Variants in DYTN observed in about 807,000 individuals in gnomAD.
The protein encoded by DYTN is dystrotelin.
DYTN carries 75 observed loss-of-function variants against 69.6 expected under a neutral mutation model. The observed-to-expected ratio is 1.08, with a 90% CI of 0.89 to 1.31. The LOEUF is 1.31. Ranked by LOEUF, DYTN falls within the 50% of genes most tolerant of loss-of-function variation. The probability of loss-of-function intolerance (pLI) is 0.00; values close to 1 mark genes in which losing one functional copy is unlikely to be tolerated. For synonymous variants in DYTN, 252 were observed against 249.1 expected (o/e 1.01, Z -0.11); for missense variants, 726 against 688.4 (o/e 1.05, Z -0.61).
At chr2:206,679,651 A>G (rs892561753) in intron 9 of DYTN, among the ~76,000 whole-genome samples, 14 of 152,364 alleles carry the variant, frequency 9.2e-5, no homozygotes, top group African/African-American at 3.4e-4. Flanking sequence ...TATAAAACAA[A>G]AAAGCAGAGA....
intron 9 of DYTN, among the ~76,000 whole-genome samples, chr2:206,680,346 A>G (rs1031646602): frequency 6.6e-6 from 1 of 152,092 alleles, no homozygotes; most frequent in African/African-American, 2.4e-5. Context: ...CCCTCCCACA[A>G]CACATGGGGA....
At chr2:206,675,145 G>GTGTGTGTGTGTGTATA (rs1415225495) in intron 9 of DYTN, among the ~76,000 whole-genome samples, 1,643 of 120,132 alleles carry the variant, frequency 0.014, 15 homozygotes, top group Admixed American at 0.028. Flanking sequence ...GTGTGTGTGT[G>GTGTGTGTGTGTGTATA]TATATATGTG....
In DYTN at chr2:206,677,283, A is replaced by G. The variant is rs563266142; in HGVS notation, c.981-11254T>C. ...TTTGCATGTCAATTGTATCTCAATAAATTGGTTAACAAAATGAAATAAAAA... is the reference window on the plus strand; with the variant it reads ...TTTGCATGTCAATTGTATCTCAATAGATTGGTTAACAAAATGAAATAAAAA... On this transcript the variant is annotated intron_variant, in intron 9 of 11. Coordinates refer to ENST00000452335, the MANE Select transcript of DYTN (RefSeq NM_001093730.1). 2.6e-5 allele frequency among the ~76,000 whole-genome samples: 4 copies of G among 152,306 alleles called. No individual in the cohort carries two copies. In the South Asian group the frequency reaches 8.3e-4, roughly 32 times the overall value.
chr2:206,663,807 A>G (rs957253923), intron 10 of DYTN, among the ~76,000 whole-genome samples: 1 of 152,222 alleles, frequency 6.6e-6, no homozygotes, highest in Non-Finnish European at 1.5e-5. Context: ...CCACAGGGAG[A>G]AAATCCAGGG....
intron 9 of DYTN, among the ~76,000 whole-genome samples, chr2:206,691,973 C>A (rs1699867766): frequency 6.6e-6 from 1 of 152,080 alleles, no homozygotes; most frequent in African/African-American, 2.4e-5. Flanking sequence ...ATAAATATTT[C>A]TTTTTCTCAA....
At chr2:206,692,623 CT>C (rs1699876962) in intron 9 of DYTN, among the ~76,000 whole-genome samples, 1 of 152,028 alleles carries the variant, frequency 6.6e-6, no homozygotes, top group Admixed American at 6.5e-5. Context: ...TAATGTATTG[CT>C]TGTGAATTGT....
chr2:206,694,770 A>C lies in DYTN; in HGVS notation c.827T>G (p.Ile276Ser), dbSNP rs761419852. Residue 276 changes from isoleucine (I) to serine (S), a missense_variant, in exon 8 of 12, where the codon ATT (isoleucine) becomes AGT (serine). Ile to Ser is a moderately radical substitution (Grantham distance 142). Coordinates refer to ENST00000452335, the MANE Select transcript of DYTN (RefSeq NM_001093730.1). ...GTATGTGACATTAAATGTTACCTGA[A>C]TGCAGTGCTCAATGACAGGATGAGA... ...QKSHPVIEHC[I>S]QMSAMQNTKL... The C allele has an allele frequency of 3.7e-6, 6 of 1,605,096 alleles. No individual in the cohort carries two copies. Among genetic ancestry groups the C allele is most frequent in the Non-Finnish European group, 5.1e-6 (6 of 1,177,162 alleles).
chr2:206,713,171 A>G (rs149494026), intron 1 of DYTN, among the ~76,000 whole-genome samples: 1 of 152,362 alleles, frequency 6.6e-6, no homozygotes, highest in Non-Finnish European at 1.5e-5. Flanking sequence ...GTTTCAAAAT[A>G]TGTGTATCTC....
intron 9 of DYTN, among the ~76,000 whole-genome samples, chr2:206,687,690 C>A (rs80186749): frequency 0.027 from 4,119 of 151,836 alleles, 82 homozygotes; most frequent in Middle Eastern, 0.054. Flanking sequence ...GTATATGGGG[C>A]AAAATAAGGG....
At position 206,665,028 on chromosome 2, in the gene DYTN, G is replaced by A. The variant is rs143725298; in HGVS notation, c.1140+842C>T. Among the ~76,000 whole-genome samples, 350 of 152,336 alleles carry A rather than the reference G, an allele frequency of 2.3e-3. 1 individual carries two copies. The highest frequency in any genetic ancestry group is 3.7e-3 in the Non-Finnish European group (254 of 68,034). On this transcript the variant is annotated intron_variant, in intron 10 of 11. Transcript: ENST00000452335. Reference sequence around the variant, plus strand: ...CCTTTAAGAAGCTGTCATGTATCATGTTTTGGTGTAGTATTAAAGAGAAGT... The same window carrying A: ...CCTTTAAGAAGCTGTCATGTATCATATTTTGGTGTAGTATTAAAGAGAAGT...
At chr2:206,658,569 G>T (rs766981521) in intron 11 of DYTN, among the ~76,000 whole-genome samples, 3 of 152,120 alleles carry the variant, frequency 2.0e-5, no homozygotes, top group Admixed American at 2.0e-4. Context: ...CAGGCATCTA[G>T]AATATGATGG....
chr2:206,655,410 T>C (rs1452847082), intron 11 of DYTN, among the ~76,000 whole-genome samples: 1 of 151,884 alleles, frequency 6.6e-6, no homozygotes, highest in African/African-American at 2.4e-5. Flanking sequence ...CATGCCCAGC[T>C]AAATTTTCTT....
intron 9 of DYTN, among the ~76,000 whole-genome samples, chr2:206,675,115 A>ATATG (rs1553573104): frequency 3.8e-5 from 5 of 131,542 alleles, no homozygotes; most frequent in African/African-American, 1.4e-4. Context: ...ATATATATAT[A>ATATG]TGTGTGTGTG....
chr2:206,670,516 T>A (rs1035739450), intron 9 of DYTN: 2 of 152,200 alleles, frequency 1.3e-5, no homozygotes, highest in Non-Finnish European at 2.9e-5. Context: ...AGAGCATTAA[T>A]GGATTCATGA....
intron 1 of DYTN, among the ~76,000 whole-genome samples, chr2:206,711,352 C>T (rs556789747): frequency 6.6e-6 from 1 of 152,268 alleles, no homozygotes; most frequent in Admixed American, 6.5e-5. Flanking sequence ...GCCCATTTCA[C>T]AGTGTAGAGG....
At chr2:206,703,508 T>C (rs1461984883) in intron 5 of DYTN, among the ~76,000 whole-genome samples, 3 of 151,906 alleles carry the variant, frequency 2.0e-5, no homozygotes, top group East Asian at 3.9e-4. Flanking sequence ...TATTCTAACC[T>C]TATAAATAAA....
At position 206,693,243 on chromosome 2, in the gene DYTN, T is replaced by C. The variant is rs755930932; in HGVS notation, c.912A>G (p.Glu304=). The C allele has an allele frequency of 2.5e-6, 4 of 1,613,722 alleles. No homozygotes were observed. The highest frequency in any genetic ancestry group is 3.3e-5 in the Admixed American group (2 of 60,032). Residue 304 remains glutamate (E), a synonymous_variant, in exon 9 of 12, where the codon GAA becomes GAG. Coordinates refer to ENST00000452335, the MANE Select transcript of DYTN (RefSeq NM_001093730.1). ...NLLQGRCRKK[E]AARRQQLLDQ... ...CCAGCAGCTGCTGCCTTCTCGCTGC[T>C]TCTTTCTTCCTACAGCGCCCCTGAA... is the stretch of plus-strand genomic sequence containing the variant.
chr2:206,675,130 T>TGG (rs1699670196), intron 9 of DYTN, among the ~76,000 whole-genome samples: 1 of 138,756 alleles, frequency 7.2e-6, no homozygotes, highest in African/African-American at 2.7e-5. Context: ...TGTGTGTGTG[T>TGG]GTGTGTGTGT....
rs201386426 is a variant in DYTN at position 206,705,745 on chromosome 2, G to A, written c.382+43C>T. 54 of 1,586,080 alleles carry A rather than the reference G, an allele frequency of 3.4e-5. No individual in the cohort carries two copies. The African/African-American group carries it at 6.0e-4, about 18-fold the overall frequency. ...ATAGGATAACAGGTTGGGGATTTGG[G>A]GCTCACTGCACTTTAGGACACCCGC... On this transcript the variant is annotated intron_variant, in intron 4 of 11. Coordinates refer to ENST00000452335, the MANE Select transcript of DYTN (RefSeq NM_001093730.1).
Sources: gnomAD v4.1 joint callset for allele counts (sites outside exome capture counted in the v4.1 genomes callset) on GRCh38, gnomAD v4.1.1 for gene constraint, MANE v1.5 for transcripts, NCBI Gene and HGNC (gene_info 2026-07-23, HGNC 2026-07-21) for gene names.